ENAH: variants seen among roughly 807,000 people sequenced by gnomAD.
The protein encoded by ENAH is ENAH actin regulator, also known as protein enabled homolog.
ENAH carries 23 observed loss-of-function variants against 78.7 expected under a neutral mutation model. The observed-to-expected ratio is 0.29, with a 90% CI of 0.21 to 0.41. The LOEUF (loss-of-function observed/expected upper bound fraction) is 0.41. Among genes scored for constraint, ENAH ranks in the 10% least tolerant of loss-of-function variants. The probability of loss-of-function intolerance (pLI) is 1.00; values close to 1 mark genes in which losing one functional copy is unlikely to be tolerated. For synonymous variants in ENAH, 226 were observed against 241.0 expected, an observed-to-expected ratio of 0.94 and a Z score of 0.58; for missense variants, 544 against 691.0, an observed-to-expected ratio of 0.79 and a Z score of 2.39.
At chr1:225,645,552 C>T (rs1245749511) in intron 1 of ENAH, among the ~76,000 whole-genome samples, 1 of 152,144 alleles carries the variant, frequency 6.6e-6, no homozygotes, top group Non-Finnish European at 1.5e-5. Flanking sequence ...AAAGGAATTG[C>T]TGGGTCATAC....
intron 1 of ENAH, among the ~76,000 whole-genome samples, chr1:225,602,052 T>G (rs2148016292): frequency 6.6e-6 from 1 of 152,132 alleles, no homozygotes; most frequent in African/African-American, 2.4e-5. Flanking sequence ...TGTTTCTTGG[T>G]AAATATTAAT....
At chr1:225,545,412 T>C (rs1431178057) in intron 3 of ENAH, among the ~76,000 whole-genome samples, 2 of 152,224 alleles carry the variant, frequency 1.3e-5, no homozygotes, top group Non-Finnish European at 2.9e-5. Flanking sequence ...TAAAGAGCTT[T>C]TGCTTATGTG....
chr1:225,552,501 A>C (rs2096646343), intron 3 of ENAH, among the ~76,000 whole-genome samples: 1 of 152,226 alleles, frequency 6.6e-6, no homozygotes, highest in Non-Finnish European at 1.5e-5. Flanking sequence ...GCCATCAAAA[A>C]TAAGAAATAG....
Position 225,547,070 on chromosome 1 carries a change from T to G in ENAH, c.349+7836A>C, listed in dbSNP as rs549095582. ...TCTATTATTTGTTGTTGTTGTTGTTTTTGTTTTGTTTTTTTTTTTGAGACG... is the reference window on the plus strand; with the variant it reads ...TCTATTATTTGTTGTTGTTGTTGTTGTTGTTTTGTTTTTTTTTTTGAGACG... On this transcript the variant is annotated intron_variant, in intron 3 of 13. Coordinates refer to ENST00000366843, the MANE Select transcript of ENAH (RefSeq NM_018212.6). Among the ~76,000 whole-genome samples the G allele has an allele frequency of 7.6e-4, 112 of 147,476 alleles. 1 individual carries two copies. The highest frequency in any genetic ancestry group is 2.8e-3 in the African/African-American group (103 of 37,248).
intron 1 of ENAH, among the ~76,000 whole-genome samples, chr1:225,609,728 G>A (rs1425088937): frequency 1.6e-5 from 2 of 126,420 alleles, no homozygotes; most frequent in Non-Finnish European, 3.1e-5. Flanking sequence ...GCAGTGGCAC[G>A]ATCTTGGCTC....
intron 4 of ENAH, among the ~76,000 whole-genome samples, chr1:225,520,267 C>T (rs2096457021): frequency 6.6e-6 from 1 of 151,392 alleles, no homozygotes; most frequent in Admixed American, 6.6e-5. Flanking sequence ...TGCACTCCAG[C>T]CTGGGTGACA....
chr1:225,501,324 T>C (rs1391130083), intron 11 of ENAH: 2 of 392,584 alleles, frequency 5.1e-6, no homozygotes, highest in Non-Finnish European at 9.1e-6. Flanking sequence ...CAGAAAAGAG[T>C]AGAAGACAGT....
At chr1:225,540,767 T>C (rs902581312) in intron 3 of ENAH, among the ~76,000 whole-genome samples, 1 of 151,958 alleles carries the variant, frequency 6.6e-6, no homozygotes, top group African/African-American at 2.4e-5. Context: ...CTTTAAAAAT[T>C]CTTAAGATTT....
At chr1:225,614,383 A>G (rs2097012018) in intron 1 of ENAH, among the ~76,000 whole-genome samples, 2 of 152,154 alleles carry the variant, frequency 1.3e-5, no homozygotes, top group South Asian at 4.1e-4. Context: ...AAAGGATACA[A>G]ATGAATAGCC....
intron 11 of ENAH, among the ~76,000 whole-genome samples, chr1:225,504,540 G>C (rs977438115): frequency 6.6e-6 from 1 of 152,116 alleles, no homozygotes; most frequent in African/African-American, 2.4e-5. Flanking sequence ...AATCTACTCA[G>C]GGTGTTAGAT....
At chr1:225,524,433 GTTA>G (rs1230319940) in intron 4 of ENAH, among the ~76,000 whole-genome samples, 1 of 152,166 alleles carries the variant, frequency 6.6e-6, no homozygotes, top group African/African-American at 2.4e-5. Flanking sequence ...TAGTAACACT[GTTA>G]TTATTGACAT....
At chr1:225,572,348 A>G (rs938478760) in intron 1 of ENAH, among the ~76,000 whole-genome samples, 2 of 152,176 alleles carry the variant, frequency 1.3e-5, no homozygotes, top group African/African-American at 4.8e-5. Context: ...CTGGCTGCCA[A>G]TATTTTGCCC....
chr1:225,629,123 CA>C (rs1328052722), intron 1 of ENAH, among the ~76,000 whole-genome samples: 5 of 151,384 alleles, frequency 3.3e-5, no homozygotes, highest in Admixed American at 1.3e-4. Flanking sequence ...ACTAAGAATA[CA>C]AAAATTAGAT....
At chr1:225,504,053 C>T (rs1024540581) in intron 11 of ENAH, among the ~76,000 whole-genome samples, 2 of 151,020 alleles carry the variant, frequency 1.3e-5, no homozygotes, top group African/African-American at 4.9e-5. Flanking sequence ...GTCACCCAGG[C>T]TAGGGTGCAG....
Position 225,489,775 on chromosome 1 carries a change from CCT to C in ENAH, c.*7998_*7999del, listed in dbSNP as rs2096214272. On this transcript the variant is annotated 3_prime_UTR_variant, in exon 14 of 14. Coordinates refer to ENST00000366843, the MANE Select transcript of ENAH (RefSeq NM_018212.6). ...ACCAGCCTGGCCAATACGGTGAAACCCTGTCTCTACTAAAAATACAAAAATTA... is the reference window on the plus strand; with the variant it reads ...ACCAGCCTGGCCAATACGGTGAAACCGTCTCTACTAAAAATACAAAAATTA... The C allele has an allele frequency of 6.6e-6, 1 of 151,990 alleles. No individual in the cohort carries two copies. Among genetic ancestry groups the C allele is most frequent in the Non-Finnish European group, 1.5e-5 (1 of 68,072 alleles). The allele number at this position is 151,990 out of a possible 1,614,324, so 9.4% of individuals were successfully genotyped here.
chr1:225,519,082 A>C (rs2096444718), intron 5 of ENAH, 116 bp downstream of exon 5: 2 of 1,450,946 alleles, frequency 1.4e-6, no homozygotes, highest in Non-Finnish European at 1.9e-6. Flanking sequence ...CATAATTTCA[A>C]ATTGTATGGC....
At chr1:225,587,063 C>A (rs2096851231) in intron 1 of ENAH, among the ~76,000 whole-genome samples, 1 of 152,114 alleles carries the variant, frequency 6.6e-6, no homozygotes, top group Non-Finnish European at 1.5e-5. Context: ...TGATAAAGAT[C>A]ATATATTAAA....
intron 1 of ENAH, among the ~76,000 whole-genome samples, chr1:225,611,629 AT>A (rs1391697505): frequency 4.6e-5 from 7 of 152,080 alleles, no homozygotes; most frequent in Admixed American, 6.6e-5. Context: ...CAAAAAAAAA[AT>A]TTTTTAATTA....
intron 11 of ENAH, among the ~76,000 whole-genome samples, chr1:225,501,797 T>C (rs1240607069): frequency 2.6e-5 from 4 of 152,230 alleles, no homozygotes; most frequent in Admixed American, 2.0e-4. Context: ...TCAATTATTA[T>C]TGCACTTTCA....
Sources: allele counts gnomAD v4.1 joint callset (sites outside exome capture counted in the v4.1 genomes callset), GRCh38; gene constraint gnomAD v4.1.1; transcripts MANE v1.5; gene names NCBI Gene and HGNC (gene_info 2026-07-23, HGNC 2026-07-21).